Variants in DMAP1 observed in about 807,000 individuals in gnomAD.
The protein encoded by DMAP1 is DNA methyltransferase 1-associated protein 1.
DMAP1 carries 26 observed loss-of-function variants against 52.7 expected under a neutral mutation model. The observed-to-expected ratio is 0.49, with a 90% CI of 0.36 to 0.68. The LOEUF (loss-of-function observed/expected upper bound fraction) is 0.68. Among genes scored for constraint, DMAP1 ranks in the 30% least tolerant of loss-of-function variants. The pLI is 0.00. For missense variants in DMAP1, 439 were observed against 625.2 expected, an observed-to-expected ratio of 0.70 and a Z score of 3.18; for synonymous variants, 231 against 246.0, an observed-to-expected ratio of 0.94 and a Z score of 0.57.
rs374236306 is a variant in DMAP1 at position 44,214,903 on chromosome 1, G to A, written c.393+5G>A. The stretch of plus-strand genomic sequence containing the variant: ...CCCTTTGCCAGGTTCAATAAGGTAA[G>A]CTACCTTCATTCGGACACAGGCCAA... On this transcript the variant is annotated splice_donor_5th_base_variant and intron_variant, in intron 3 of 9. Coordinates refer to ENST00000372289, the MANE Select transcript of DMAP1 (RefSeq NM_019100.5). 50 of 1,614,098 alleles carry A rather than the reference G, an allele frequency of 3.1e-5. No homozygotes were observed. In the African/African-American group the frequency reaches 5.6e-4, roughly 18 times the overall value.
chr1:44,219,739 CT>C, intron 7 of DMAP1, 66 bp from the exon 8 acceptor site: 4 of 1,580,602 alleles, frequency 2.5e-6, no homozygotes, highest in Admixed American at 3.5e-5. Flanking sequence ...TTCCCTCTGC[CT>C]TTTGTCCCCT....
Position 44,214,368 on chromosome 1 carries a change from T to C in DMAP1, c.124T>C (p.Ser42Pro). The change falls in exon 2 of 10, where the codon TCT becomes CCT. Residue 42 changes from serine to proline, a missense_variant. Physicochemically the swap from Ser to Pro is moderately conservative, Grantham distance 74. Coordinates refer to ENST00000372289, the MANE Select transcript of DMAP1 (RefSeq NM_019100.5). Reference sequence around the variant, plus strand: ...TCCTCAGAAAAAATCCAAGAAGTCCTCTGAGACACTGACTTTCAAGAGGCC... The same window carrying C: ...TCCTCAGAAAAAATCCAAGAAGTCCCCTGAGACACTGACTTTCAAGAGGCC... ...NPDKKKSKKSSETLTFKRPEG... is the reference protein window; with the variant it reads ...NPDKKKSKKSPETLTFKRPEG... The C allele has an allele frequency of 1.2e-6, 2 of 1,614,120 alleles. No homozygotes were observed. The highest frequency in any genetic ancestry group is 1.7e-6 in the Non-Finnish European group (2 of 1,180,000).
Position 44,214,840 on chromosome 1 carries a change from T to C in DMAP1, c.335T>C (p.Phe112Ser), listed in dbSNP as rs1643755559. 1 of 1,614,154 alleles carries C rather than the reference T, an allele frequency of 6.2e-7. No individual in the cohort carries two copies. Among genetic ancestry groups the C allele is most frequent in the Non-Finnish European group, 8.5e-7 (1 of 1,180,008 alleles). ...GCCCGCAAGGACGGAGCAATGTTCT[T>C]CCACTGGCGACGTGCAGCGGAGGAG... ...NPARKDGAMFFHWRRAAEEGK... is the reference protein window; with the variant it reads ...NPARKDGAMFSHWRRAAEEGK... The change falls in exon 3 of 10, where the codon TTC becomes TCC. Residue 112 changes from phenylalanine to serine, a missense_variant. Coordinates refer to ENST00000372289, the MANE Select transcript of DMAP1 (RefSeq NM_019100.5).
At chr1:44,220,440 G>C (rs935493343) in intron 9 of DMAP1, 119 bp from the exon 10 acceptor site, 4 of 1,580,724 alleles carry the variant, frequency 2.5e-6, no homozygotes, top group Middle Eastern at 1.7e-4. Flanking sequence ...GTCTGAGACT[G>C]AGGGTAGGAG....
chr1:44,217,298 T>G (rs1643814238), intron 3 of DMAP1: 1 of 152,284 alleles, frequency 6.6e-6, no homozygotes, highest in Non-Finnish European at 1.5e-5. Context: ...ACGTCTTAGC[T>G]GCAGATGGAG....
rs1643877282 is a variant in DMAP1, at chr1:44,220,193, C to A, written c.1228C>A (p.Pro410Thr). 5 of 1,602,690 alleles carry A rather than the reference C, an allele frequency of 3.1e-6. No homozygotes were observed. Among genetic ancestry groups the A allele is most frequent in the African/African-American group, 1.3e-5 (1 of 74,888 alleles). Residue 410 changes from proline (P) to threonine (T), a missense_variant, in exon 9 of 10, where the codon CCA becomes ACA. Transcript: ENST00000372289. The stretch of plus-strand genomic sequence containing the variant: ...TGGTGTGCTAGGGGGCCCTGCCACA[C>A]CAGCATCAGGCCCAGGCCCGGCCTC... The part of the protein sequence containing the change: ...RAGVLGGPAT[P>T]ASGPGPASAE...
chr1:44,217,753 G>C (rs573423062), intron 3 of DMAP1: 5 of 204,026 alleles, frequency 2.5e-5, no homozygotes, highest in African/African-American at 1.1e-4. Flanking sequence ...TCGTGGTAGT[G>C]CTATTTGTCT....
At position 44,218,090 on chromosome 1, in the gene DMAP1, G is replaced by A. The variant is rs529444595; in HGVS notation, c.394-221G>A. ...CCATGACTGAGGCTCTGGAGCTGGA[G>A]ACAGTGAAGTTGATCCTGGAATAAA... On this transcript the variant is annotated intron_variant, in intron 3 of 9. Transcript: ENST00000372289. This position sits in a 1 kb window ranked among gnomAD's most constrained non-coding sequence, Gnocchi z 5.6. 8.9e-5 allele frequency: 57 copies of A among 638,688 alleles called. 1 individual carries two copies. In the South Asian group the frequency reaches 9.7e-4, roughly 11 times the overall value. The allele number at this position is 638,688 out of a possible 1,614,324, so 39.6% of individuals were successfully genotyped here.
Position 44,220,090 on chromosome 1 carries a change from C to T in DMAP1, c.1125C>T (p.Tyr375=), listed in dbSNP as rs116279448. ...NELRSDLVLL[Y]ELKQACANCE... is the part of the protein sequence containing the mutation. Reference sequence around the variant, plus strand: ...TGCGAAGCGACCTGGTGCTGCTCTACGAGCTCAAGCAGGCCTGTGCCAACT... The same window carrying T: ...TGCGAAGCGACCTGGTGCTGCTCTATGAGCTCAAGCAGGCCTGTGCCAACT... Residue 375 remains tyrosine (Y), a synonymous_variant, in exon 9 of 10, where the codon TAC becomes TAT. Transcript: ENST00000372289. 1.0e-3 allele frequency: 1,658 copies of T among 1,610,962 alleles called. No homozygotes were observed. The highest frequency in any genetic ancestry group is 1.2e-3 in the Non-Finnish European group (1,459 of 1,178,002).
At position 44,213,542 on chromosome 1, in the gene DMAP1, G is replaced by A; in HGVS notation, c.-212G>A. On this transcript the variant is annotated 5_prime_UTR_variant, in exon 1 of 10. Transcript: ENST00000372289. The surrounding 1 kb of genome is among the most constrained non-coding windows in gnomAD (Gnocchi z 4.5). ...GCCGGACCCAGGTGCGGAAGTGCGA[G>A]GGCCCAGGTGGCTGAAGGGGCCGTT... The A allele has an allele frequency of 2.0e-6, 1 of 508,206 alleles. No individual in the cohort carries two copies. Among genetic ancestry groups the A allele is most frequent in the Non-Finnish European group, 3.5e-6 (1 of 283,172 alleles). 31.5% of individuals were successfully genotyped at this position (508,206 alleles called of 1,614,324 possible). A position where few individuals can be genotyped will look rare whatever the true frequency, so the allele number is the denominator to read the frequency against.
At chr1:44,215,876 G>C (rs1643782616) in intron 3 of DMAP1, 1 of 156,892 alleles carries the variant, frequency 6.4e-6, no homozygotes, top group Non-Finnish European at 1.4e-5. Flanking sequence ...AGGTTTCCTA[G>C]TCCATTACTT....
Position 44,218,579 on chromosome 1 carries a change from G to A in DMAP1, c.553-9G>A, listed in dbSNP as rs771313523. 1 of 1,609,208 alleles carries A rather than the reference G, an allele frequency of 6.2e-7. No homozygotes were observed. Among genetic ancestry groups the A allele is most frequent in the Admixed American group, 1.7e-5 (1 of 59,884 alleles). ...AATGTTCATTCCTCTACCCTGTCTT[G>A]CTCCTCAGAAGCGTTCTGTGGAAGA... On this transcript the variant is annotated splice_polypyrimidine_tract_variant and intron_variant, in intron 4 of 9. Transcript: ENST00000372289. This position sits in a 1 kb window ranked among gnomAD's most constrained non-coding sequence, Gnocchi z 5.6.
chr1:44,213,666 TG>T lies in DMAP1; in HGVS notation c.-86del. 7.9e-7 allele frequency: 1 copy of T among 1,258,358 alleles called. No homozygotes were observed. Among genetic ancestry groups the T allele is most frequent in the Non-Finnish European group, 1.1e-6 (1 of 889,884 alleles). The allele number at this position is 1,258,358 out of a possible 1,614,324, so 77.9% of individuals were successfully genotyped here. ...CCTTCAACTCGCCTCCGCTTAGGTC[TG>T]GATTGGCCCCGCCCCCTGACCTGAG... On this transcript the variant is annotated 5_prime_UTR_variant, in exon 1 of 10. Coordinates refer to ENST00000372289, the MANE Select transcript of DMAP1 (RefSeq NM_019100.5). The surrounding 1 kb of genome is among the most constrained non-coding windows in gnomAD (Gnocchi z 4.5).
rs753318592 is a variant in DMAP1, at chr1:44,220,171, T to G, written c.1206T>G (p.Gly402=). Residue 402 remains glycine, a synonymous_variant, in exon 9 of 10, where the codon GGT becomes GGG. Coordinates refer to ENST00000372289, the MANE Select transcript of DMAP1 (RefSeq NM_019100.5). ...RHRHEALARA[G]VLGGPATPAS... Reference sequence around the variant, plus strand: ...GTCATGAGGCACTGGCCCGGGCTGGTGTGCTAGGGGGCCCTGCCACACCAG... The same window carrying G: ...GTCATGAGGCACTGGCCCGGGCTGGGGTGCTAGGGGGCCCTGCCACACCAG... The G allele has an allele frequency of 1.2e-6, 2 of 1,609,546 alleles. No homozygotes were observed. The highest frequency in any genetic ancestry group is 1.7e-5 in the Admixed American group (1 of 59,846).
Position 44,219,497 on chromosome 1 carries a change from T to C in DMAP1, c.978+20T>C, listed in dbSNP as rs200056210. On this transcript the variant is annotated intron_variant, in intron 7 of 9. Transcript: ENST00000372289. ...CAACGGGTACGTGAGTCACCTCCTT[T>C]AGCAAGTTTGGGTCCTGGGCTCTGC... is the stretch of plus-strand genomic sequence containing the variant. 6.4e-7 allele frequency: 1 copy of C among 1,555,348 alleles called. No individual in the cohort carries two copies. The highest frequency in any genetic ancestry group is 8.6e-7 in the Non-Finnish European group (1 of 1,156,588).
At chr1:44,219,920 G>A (rs1411169325) in intron 8 of DMAP1, 42 bp downstream of exon 8, 4 of 1,613,842 alleles carry the variant, frequency 2.5e-6, no homozygotes, top group Non-Finnish European at 3.4e-6. Context: ...ACCCACCCGA[G>A]GCTGTGGATA....
In DMAP1 at chr1:44,220,230, C is replaced by G. The variant is rs1244898852; in HGVS notation, c.1265C>G (p.Ala422Gly). 1 of 1,587,436 alleles carries G rather than the reference C, an allele frequency of 6.3e-7. No individual in the cohort carries two copies. The highest frequency in any genetic ancestry group is 1.7e-5 in the Admixed American group (1 of 58,246). The stretch of plus-strand genomic sequence containing the variant: ...CCAGGCCCGGCCTCTGCTGAGCCGG[C>G]AGTGACTGAACCCGGACTTGGTCCT... ...SGPGPASAEP[A>G]VTEPGLGPDP... The change falls in exon 9 of 10, where the codon GCA becomes GGA. Residue 422 changes from alanine to glycine, a missense_variant. Physicochemically the swap from Ala to Gly is moderately conservative, Grantham distance 60 (BLOSUM62 0). Transcript: ENST00000372289.
intron 9 of DMAP1, 38 bp downstream of exon 9, chr1:44,220,347 C>G (rs1643879020): frequency 6.6e-7 from 1 of 1,524,466 alleles, no homozygotes; most frequent in South Asian, 1.3e-5. Flanking sequence ...CGCCTGGGCC[C>G]TGCGAGTGAG....
Position 44,219,779 on chromosome 1 carries a change from G to A in DMAP1, c.979-27G>A, listed in dbSNP as rs377753318. 1.7e-4 allele frequency: 280 copies of A among 1,613,418 alleles called. 1 individual carries two copies. The Middle Eastern group carries it at 1.8e-3, about 10-fold the overall frequency. ...TCCTAAGCCTCTTGTGGCTGGGACA[G>A]GCTTAGCTTGCCAGCTTTCATTGCA... On this transcript the variant is annotated intron_variant, in intron 7 of 9. Transcript: ENST00000372289.
Sources: allele counts gnomAD v4.1 joint callset, GRCh38; gene constraint gnomAD v4.1.1; non-coding constraint Gnocchi (gnomAD v3.1); transcripts MANE v1.5; gene names NCBI Gene and HGNC (gene_info 2026-07-23, HGNC 2026-07-21).